The following UNC5C variants were observed in gnomAD, a reference collection of about 807,000 sequenced individuals.
UNC5C encodes netrin receptor UNC5C.
Under a neutral mutation model 99.8 loss-of-function variants are expected in UNC5C, and 47 were observed. That is an observed-to-expected ratio of 0.47 (90% CI 0.37 to 0.60). The LOEUF is 0.60. Among genes scored for constraint, UNC5C ranks in the 20% least tolerant of loss-of-function variants. UNC5C has a pLI of 0.00. For missense variants in UNC5C, 1,062 were observed against 1,165.9 expected (o/e 0.91, Z 1.30); for synonymous variants, 487 against 452.2 (o/e 1.08, Z -0.98).
intron 1 of UNC5C, among the ~76,000 whole-genome samples, chr4:95,340,560 A>G (rs1335813872): frequency 4.6e-5 from 7 of 152,152 alleles, no homozygotes; most frequent in Non-Finnish European, 1.0e-4. Flanking sequence ...TTCAAGCAAT[A>G]TATTAATGGA....
At chr4:95,279,805 C>G (rs930753173) in intron 3 of UNC5C, among the ~76,000 whole-genome samples, 2 of 152,140 alleles carry the variant, frequency 1.3e-5, no homozygotes, top group African/African-American at 4.8e-5. Context: ...TGGTCCCTAA[C>G]CTTTTTGACA....
chr4:95,523,792 T>A (rs926875032), intron 1 of UNC5C, among the ~76,000 whole-genome samples: 5 of 152,090 alleles, frequency 3.3e-5, no homozygotes, highest in African/African-American at 1.2e-4. Context: ...TAAATCAAAT[T>A]CAAACAATGT....
At chr4:95,306,465 G>A (rs1321767947) in intron 2 of UNC5C, among the ~76,000 whole-genome samples, 1 of 152,130 alleles carries the variant, frequency 6.6e-6, no homozygotes, top group Non-Finnish European at 1.5e-5. Context: ...GCCTCGCAAA[G>A]TGATGGGATT....
intron 1 of UNC5C, among the ~76,000 whole-genome samples, chr4:95,398,044 C>CTTTGTTTTTTTTTT (rs1745572094): frequency 1.0e-5 from 1 of 95,922 alleles, no homozygotes; most frequent in African/African-American, 4.9e-5. Flanking sequence ...CCAAATGTAG[C>CTTTGTTTTTTTTTT]TTTTTTTTTT....
intron 14 of UNC5C, among the ~76,000 whole-genome samples, chr4:95,177,074 T>C (rs2149347267): frequency 6.6e-6 from 1 of 152,300 alleles, no homozygotes; most frequent in South Asian, 2.1e-4. Flanking sequence ...ACTTCCCGAG[T>C]GAGGCAATGC....
rs114836149 is a variant in UNC5C, at chr4:95,478,398, C to T, written c.124+70336G>A. Reference sequence around the variant, plus strand: ...TACTCAACAATCTCTCAATCTCTACCTGACATTTGCTTTGCATATCAGCTA... The same window carrying T: ...TACTCAACAATCTCTCAATCTCTACTTGACATTTGCTTTGCATATCAGCTA... On this transcript the variant is annotated intron_variant, in intron 1 of 15. Coordinates refer to ENST00000453304, the MANE Select transcript of UNC5C (RefSeq NM_003728.4). Among the ~76,000 whole-genome samples, 936 of 152,096 alleles carry T rather than the reference C, an allele frequency of 6.2e-3. 7 individuals are homozygous for T. Among genetic ancestry groups the T allele is most frequent in the Non-Finnish European group, 7.7e-3 (521 of 67,962 alleles).
At position 95,267,949 on chromosome 4, in the gene UNC5C, A is replaced by ATTTTTTTTTT. The variant is rs869293955; in HGVS notation, c.594+10300_594+10309dup. 2.7e-3 allele frequency among the ~76,000 whole-genome samples: 318 copies of ATTTTTTTTTT among 117,550 alleles called. 16 individuals carry two copies. Among genetic ancestry groups the ATTTTTTTTTT allele is most frequent in the African/African-American group, 8.5e-3 (248 of 29,154 alleles). 77.1% of individuals were successfully genotyped at this position (117,550 alleles called of 152,430 possible). On this transcript the variant is annotated intron_variant, in intron 4 of 15. Coordinates refer to ENST00000453304, the MANE Select transcript of UNC5C (RefSeq NM_003728.4). The stretch of plus-strand genomic sequence containing the variant: ...ATGATCCTGTAGGCTGAATTTTGTG[A>ATTTTTTTTTT]TTTTTTTTTTTTTTTTTTGAGACGG...
intron 1 of UNC5C, among the ~76,000 whole-genome samples, chr4:95,488,454 A>C (rs1239462887): frequency 6.6e-6 from 1 of 151,810 alleles, no homozygotes; most frequent in Non-Finnish European, 1.5e-5. Context: ...AATTTCCTTA[A>C]GATAAAACAA....
At chr4:95,427,039 A>G (rs774963935) in intron 1 of UNC5C, among the ~76,000 whole-genome samples, 75 of 152,220 alleles carry the variant, frequency 4.9e-4, no homozygotes, top group Non-Finnish European at 4.6e-4. Flanking sequence ...TTTCATAGCT[A>G]GAGAGGAGAA....
chr4:95,350,183 A>G (rs1208754930), intron 1 of UNC5C, among the ~76,000 whole-genome samples: 1 of 152,124 alleles, frequency 6.6e-6, no homozygotes, highest in Non-Finnish European at 1.5e-5. Flanking sequence ...AGGGTCTTAC[A>G]TAGGGAATTA....
intron 1 of UNC5C, among the ~76,000 whole-genome samples, chr4:95,462,499 A>G (rs545414449): frequency 1.3e-5 from 2 of 152,312 alleles, no homozygotes; most frequent in East Asian, 3.9e-4. Context: ...AACCCTGACT[A>G]TAAAAATGAA....
chr4:95,253,639 C>G (rs1394917825), intron 4 of UNC5C, among the ~76,000 whole-genome samples: 4 of 152,144 alleles, frequency 2.6e-5, no homozygotes, highest in African/African-American at 9.7e-5. Context: ...GCCTTTGTTT[C>G]AAGAAGCAAA....
At chr4:95,216,818 G>T (rs1738269719) in intron 9 of UNC5C, among the ~76,000 whole-genome samples, 1 of 152,346 alleles carries the variant, frequency 6.6e-6, no homozygotes, top group South Asian at 2.1e-4. Context: ...AGCTAACTGT[G>T]TCTGCTGTGG....
Position 95,548,542 on chromosome 4 carries a change from C to A in UNC5C, c.124+192G>T, listed in dbSNP as rs565422144. On this transcript the variant is annotated intron_variant, in intron 1 of 15. Transcript: ENST00000453304. ...TGCCCATCTCAGAAGATAGATTAAA[C>A]ATAATAATAATAATAATTATTATTA... Among the ~76,000 whole-genome samples the A allele has an allele frequency of 9.9e-5, 15 of 151,586 alleles. No homozygotes were observed. The East Asian group carries it at 2.9e-3, about 29-fold the overall frequency.
At chr4:95,278,461 CT>C (rs1266465966) in intron 3 of UNC5C, 99 bp from the exon 4 acceptor site, 16 of 847,634 alleles carry the variant, frequency 1.9e-5, no homozygotes, top group Non-Finnish European at 2.4e-5. Context: ...TTTATCTGTG[CT>C]TTTTTTTCTT....
rs1044600764 is a variant in UNC5C at position 95,498,196 on chromosome 4, A to G, written c.124+50538T>C. On this transcript the variant is annotated intron_variant, in intron 1 of 15. Coordinates refer to ENST00000453304, the MANE Select transcript of UNC5C (RefSeq NM_003728.4). ...AGCAACTACTGCTTATAATTCCCTT[A>G]ATGTTGCAGAATTAGGTAACAATAT... Among the ~76,000 whole-genome samples the G allele has an allele frequency of 5.9e-5, 9 of 152,012 alleles. No individual in the cohort carries two copies. The East Asian group carries it at 1.4e-3, about 23-fold the overall frequency.
At chr4:95,507,864 A>G (rs1038883315) in intron 1 of UNC5C, among the ~76,000 whole-genome samples, 3 of 152,042 alleles carry the variant, frequency 2.0e-5, no homozygotes, top group Admixed American at 2.0e-4. Flanking sequence ...TAATGCTACC[A>G]TCAGCTAAAA....
chr4:95,267,653 T>C (rs1740496132), intron 4 of UNC5C, among the ~76,000 whole-genome samples: 2 of 152,180 alleles, frequency 1.3e-5, no homozygotes, highest in African/African-American at 4.8e-5. Context: ...AAGACTAATG[T>C]GTTGATTTTA....
intron 3 of UNC5C, among the ~76,000 whole-genome samples, chr4:95,297,078 T>G (rs185725137): frequency 6.6e-6 from 1 of 152,280 alleles, no homozygotes; most frequent in East Asian, 1.9e-4. Context: ...GACTAGTCTA[T>G]GTAGGGGAAT....
Sources: gnomAD v4.1 joint callset for allele counts (sites outside exome capture counted in the v4.1 genomes callset) on GRCh38, gnomAD v4.1.1 for gene constraint, MANE v1.5 for transcripts, NCBI Gene and HGNC (gene_info 2026-07-23, HGNC 2026-07-21) for gene names.